PPARGC1A: variants seen among roughly 807,000 people sequenced by gnomAD.
PPARGC1A encodes the protein PPARG coactivator 1 alpha.
In PPARGC1A, 25 loss-of-function variants were observed where a neutral mutation model predicts 88.7. That is an observed-to-expected ratio of 0.28 (90% CI 0.21 to 0.39). The LOEUF (loss-of-function observed/expected upper bound fraction) is 0.39. PPARGC1A is among the 10% of genes least tolerant of loss of function. The pLI, the probability that PPARGC1A is intolerant of heterozygous loss-of-function variation, is 1.00. For missense variants in PPARGC1A, 880 were observed against 968.7 expected, an observed-to-expected ratio of 0.91 and a Z score of 1.22; for synonymous variants, 363 against 355.6, an observed-to-expected ratio of 1.02 and a Z score of -0.24.
Position 23,803,897 on chromosome 4 carries a change from G to A in PPARGC1A, c.2020-1552C>T, listed in dbSNP as rs1015401531. ...AAAAAGATGCCCTTTCTTATTTACT[G>A]AATGGTTTTCCTTTTCTTATGCCCA... On this transcript the variant is annotated intron_variant, in intron 10 of 12. Transcript: ENST00000264867. Among the ~76,000 whole-genome samples the A allele has an allele frequency of 2.0e-5, 3 of 152,270 alleles. No individual in the cohort carries two copies. In the East Asian group the frequency reaches 5.8e-4, roughly 29 times the overall value.
the PPARGC1A span, among the ~76,000 whole-genome samples, chr4:24,461,663 C>CT: frequency 6.6e-6 from 1 of 152,026 alleles, no homozygotes; most frequent in South Asian, 2.1e-4. Flanking sequence ...TGAAAGCTCT[C>CT]TTAGGGGGTA....
At chr4:24,093,676 G>A in the PPARGC1A span, among the ~76,000 whole-genome samples, 2 of 152,182 alleles carry the variant, frequency 1.3e-5, no homozygotes, top group African/African-American at 4.8e-5. Flanking sequence ...ACAACTGGGA[G>A]CAATTAGTTT....
chr4:24,362,580 A>G, the PPARGC1A span, among the ~76,000 whole-genome samples: 5 of 152,184 alleles, frequency 3.3e-5, no homozygotes, highest in Non-Finnish European at 7.4e-5. Context: ...GACAGGCCAC[A>G]TTGCCTTGCA....
chr4:24,002,089 CACACACACAGAGAG>C, the PPARGC1A span, among the ~76,000 whole-genome samples: 1 of 136,840 alleles, frequency 7.3e-6, no homozygotes, highest in African/African-American at 3.1e-5. Flanking sequence ...CACACACACA[CACACACACAGAGAG>C]AGAGAGAGAG....
intron 2 of PPARGC1A, among the ~76,000 whole-genome samples, 163 bp from the exon 3 acceptor site, chr4:23,831,914 G>A (rs1725078757): frequency 6.6e-6 from 1 of 151,924 alleles, no homozygotes; most frequent in Non-Finnish European, 1.5e-5. Flanking sequence ...TTCATGTTTT[G>A]GTCCAAATGA....
At chr4:24,295,314 T>G in the PPARGC1A span, among the ~76,000 whole-genome samples, 152 of 152,324 alleles carry the variant, frequency 1.0e-3, 1 homozygote, top group South Asian at 0.03. Context: ...AGTTGCTAAA[T>G]AGGAGTTGTT....
chr4:24,408,095 C>T, the PPARGC1A span, among the ~76,000 whole-genome samples: 2 of 152,000 alleles, frequency 1.3e-5, no homozygotes, highest in African/African-American at 4.8e-5. Flanking sequence ...GTGTTTCTAC[C>T]AAAATCTTGG....
At chr4:24,177,681 G>GAAA in the PPARGC1A span, among the ~76,000 whole-genome samples, 1 of 144,530 alleles carries the variant, frequency 6.9e-6, no homozygotes, top group Non-Finnish European at 1.5e-5. Context: ...TTTAAAAAAG[G>GAAA]AAAAAAAAAA....
the PPARGC1A span, among the ~76,000 whole-genome samples, chr4:24,442,392 T>C: frequency 1.3e-5 from 2 of 152,232 alleles, no homozygotes; most frequent in Non-Finnish European, 2.9e-5. Flanking sequence ...CAATTTATTT[T>C]TTAAAAAATG....
chr4:23,971,580 A>G, the PPARGC1A span, among the ~76,000 whole-genome samples: 1 of 152,204 alleles, frequency 6.6e-6, no homozygotes, highest in African/African-American at 2.4e-5. Flanking sequence ...AGCATCCAAC[A>G]TGGGAGAAAG....
At chr4:23,994,258 G>C in the PPARGC1A span, among the ~76,000 whole-genome samples, 1 of 152,134 alleles carries the variant, frequency 6.6e-6, no homozygotes, top group Non-Finnish European at 1.5e-5. Context: ...CTCCTGAGCA[G>C]ACTTGAAATG....
At chr4:23,989,481 G>A in the PPARGC1A span, among the ~76,000 whole-genome samples, 12 of 151,872 alleles carry the variant, frequency 7.9e-5, no homozygotes, top group Admixed American at 3.3e-4. Context: ...GGAAAATTGG[G>A]GAGAGAGGAA....
At chr4:23,797,788 TTC>T (rs1448521743) in intron 12 of PPARGC1A, among the ~76,000 whole-genome samples, 2 of 152,134 alleles carry the variant, frequency 1.3e-5, no homozygotes, top group African/African-American at 4.8e-5. Flanking sequence ...CTCCACCAAT[TTC>T]TCTCCCGCTA....
chr4:23,883,766 T>C (rs1716394312), intron 2 of PPARGC1A: 1 of 152,222 alleles, frequency 6.6e-6, no homozygotes, highest in Non-Finnish European at 1.5e-5. Context: ...TTATTCAGCA[T>C]GTATTATATG....
At chr4:23,968,713 G>A in the PPARGC1A span, among the ~76,000 whole-genome samples, 3 of 152,034 alleles carry the variant, frequency 2.0e-5, no homozygotes, top group Non-Finnish European at 2.9e-5. Context: ...TCAGGAGTTC[G>A]AGAACAGTCT....
chr4:23,862,604 T>C (rs544966142), intron 2 of PPARGC1A, among the ~76,000 whole-genome samples: 47 of 152,300 alleles, frequency 3.1e-4, no homozygotes, highest in African/African-American at 1.1e-3. Flanking sequence ...TCATGGTGAT[T>C]ATGAGAATTA....
the PPARGC1A span, among the ~76,000 whole-genome samples, chr4:24,107,044 C>A: frequency 0.16 from 24,672 of 152,238 alleles, 3,394 homozygotes; most frequent in African/African-American, 0.37. Flanking sequence ...TATACAAATA[C>A]TTCCAACAGG....
the PPARGC1A span, among the ~76,000 whole-genome samples, chr4:24,286,498 G>A: frequency 2.2e-4 from 33 of 152,166 alleles, no homozygotes; most frequent in Non-Finnish European, 4.6e-4. Flanking sequence ...ATCAACAGAT[G>A]CCTAGGAAGA....
chr4:23,928,439 T>G, the PPARGC1A span, among the ~76,000 whole-genome samples: 1 of 152,066 alleles, frequency 6.6e-6, no homozygotes, highest in Non-Finnish European at 1.5e-5. Flanking sequence ...TATTAAAAAG[T>G]CAGGGAATAA....
Sources: allele counts gnomAD v4.1 joint callset (sites outside exome capture counted in the v4.1 genomes callset), GRCh38; gene constraint gnomAD v4.1.1; transcripts MANE v1.5; gene names NCBI Gene and HGNC (gene_info 2026-07-23, HGNC 2026-07-21).